Variants in KCTD8 observed in about 807,000 individuals in gnomAD.
KCTD8 encodes potassium channel tetramerization domain containing 8.
KCTD8 carries 27 observed loss-of-function variants against 31.5 expected under a neutral mutation model. The ratio of observed to expected loss-of-function variants is 0.86; its 90% confidence interval spans 0.63 to 1.18. The LOEUF (loss-of-function observed/expected upper bound fraction) is 1.18, where lower values mean the gene tolerates loss of function less well. KCTD8 is among the 50% of genes most tolerant of loss of function. The pLI is 0.00. For missense variants in KCTD8, 658 were observed against 647.7 expected (o/e 1.02, Z -0.17); for synonymous variants, 290 against 280.0 (o/e 1.04, Z -0.36).
intron 1 of KCTD8, among the ~76,000 whole-genome samples, chr4:44,349,911 G>C (rs576159593): frequency 6.6e-6 from 1 of 152,130 alleles, no homozygotes; most frequent in Non-Finnish European, 1.5e-5. Flanking sequence ...TTCTTTCTGG[G>C]TTTATTTATA....
chr4:44,350,674 A>G (rs960516610), intron 1 of KCTD8, among the ~76,000 whole-genome samples: 3 of 152,212 alleles, frequency 2.0e-5, no homozygotes, highest in Non-Finnish European at 4.4e-5. Context: ...TTTAAAATGA[A>G]TAAAAAGTTT....
intron 1 of KCTD8, among the ~76,000 whole-genome samples, chr4:44,437,936 TA>T (rs1179738921): frequency 2.0e-5 from 3 of 152,104 alleles, no homozygotes; most frequent in Admixed American, 6.6e-5. Context: ...AACCACCATA[TA>T]AATGATACCA....
chr4:44,278,620 A>G (rs1716815448), intron 1 of KCTD8, among the ~76,000 whole-genome samples: 1 of 152,086 alleles, frequency 6.6e-6, no homozygotes, highest in South Asian at 2.1e-4. Flanking sequence ...GACATACTTT[A>G]AAATTTTGTA....
intron 1 of KCTD8, among the ~76,000 whole-genome samples, chr4:44,423,462 A>G (rs1352156095): frequency 6.6e-6 from 1 of 152,152 alleles, no homozygotes; most frequent in Non-Finnish European, 1.5e-5. Context: ...TTGGCAGTTC[A>G]TTAACTGACA....
At chr4:44,205,651 C>G (rs77179228) in intron 1 of KCTD8, among the ~76,000 whole-genome samples, 1 of 152,124 alleles carries the variant, frequency 6.6e-6, no homozygotes, top group Non-Finnish European at 1.5e-5. Flanking sequence ...TAAGTTACCA[C>G]TGTAGTGTTA....
intron 1 of KCTD8, among the ~76,000 whole-genome samples, chr4:44,333,024 T>C (rs1040453275): frequency 1.3e-5 from 2 of 152,094 alleles, no homozygotes; most frequent in African/African-American, 4.8e-5. Flanking sequence ...ACCTGCTATG[T>C]TCACAACTAT....
chr4:44,429,958 T>C (rs1721434973), intron 1 of KCTD8, among the ~76,000 whole-genome samples: 1 of 151,640 alleles, frequency 6.6e-6, no homozygotes, highest in African/African-American at 2.4e-5. Context: ...TGGCTTTCCT[T>C]TCCTCTGTCA....
chr4:44,395,347 G>A (rs1720474399), intron 1 of KCTD8, among the ~76,000 whole-genome samples: 1 of 152,060 alleles, frequency 6.6e-6, no homozygotes, highest in African/African-American at 2.4e-5. Context: ...GCATAAGCTA[G>A]GGGCCGAAAA....
chr4:44,188,025 G>A (rs866791647), intron 1 of KCTD8, among the ~76,000 whole-genome samples: 1 of 150,408 alleles, frequency 6.6e-6, no homozygotes, highest in African/African-American at 2.5e-5. Flanking sequence ...AAAAAAAACA[G>A]TCTAACACTC....
intron 1 of KCTD8, among the ~76,000 whole-genome samples, chr4:44,436,104 G>A (rs1469265118): frequency 1.3e-5 from 2 of 152,106 alleles, no homozygotes; most frequent in Non-Finnish European, 2.9e-5. Flanking sequence ...GGATTTGACT[G>A]ACACCACTCA....
At chr4:44,224,616 C>G (rs946410388) in intron 1 of KCTD8, among the ~76,000 whole-genome samples, 7 of 150,844 alleles carry the variant, frequency 4.6e-5, no homozygotes, top group African/African-American at 1.5e-4. Flanking sequence ...TCATTCTGCC[C>G]CCATCTTTGC....
chr4:44,179,839 A>G (rs1713327393), intron 1 of KCTD8, among the ~76,000 whole-genome samples: 3 of 152,154 alleles, frequency 2.0e-5, no homozygotes, highest in African/African-American at 7.2e-5. Context: ...CAATAACTTA[A>G]ACTGATTTAG....
intron 1 of KCTD8, among the ~76,000 whole-genome samples, chr4:44,248,991 C>T (rs1715748979): frequency 3.3e-5 from 5 of 151,784 alleles, no homozygotes; most frequent in Admixed American, 3.3e-4. Context: ...TTTCTGGTCT[C>T]AGCTAAATAA....
intron 1 of KCTD8, among the ~76,000 whole-genome samples, chr4:44,308,484 A>G (rs1210281406): frequency 6.6e-6 from 1 of 152,118 alleles, no homozygotes; most frequent in Non-Finnish European, 1.5e-5. Flanking sequence ...GCAGCAAGTA[A>G]GAAAAAACTA....
chr4:44,447,469 C>G (rs1043515506), intron 1 of KCTD8, 94 bp downstream of exon 1: 8 of 1,428,536 alleles, frequency 5.6e-6, no homozygotes, highest in South Asian at 1.5e-5. Context: ...GCGCCTGCCC[C>G]GGACACCCCC....
chr4:44,358,609 C>T (rs1719408809), intron 1 of KCTD8, among the ~76,000 whole-genome samples: 1 of 151,794 alleles, frequency 6.6e-6, no homozygotes, highest in African/African-American at 2.4e-5. Flanking sequence ...CTCTCTGTCA[C>T]CCAGGCTGGA....
At chr4:44,394,318 A>G (rs773563254) in intron 1 of KCTD8, among the ~76,000 whole-genome samples, 1 of 152,066 alleles carries the variant, frequency 6.6e-6, no homozygotes, top group Non-Finnish European at 1.5e-5. Context: ...CAACTTCACA[A>G]TTCATAGGAG....
chr4:44,298,960 A>G (rs1284887103), intron 1 of KCTD8, among the ~76,000 whole-genome samples: 2 of 152,206 alleles, frequency 1.3e-5, no homozygotes, highest in African/African-American at 4.8e-5. Flanking sequence ...GTTGTAAAAA[A>G]AAGTTCCAAG....
At chr4:44,339,277 A>G (rs1320108093) in intron 1 of KCTD8, among the ~76,000 whole-genome samples, 1 of 152,142 alleles carries the variant, frequency 6.6e-6, no homozygotes, top group Non-Finnish European at 1.5e-5. Flanking sequence ...TAAATTTTTA[A>G]AGGGGCACTA....
Sources: allele counts gnomAD v4.1 joint callset (sites outside exome capture counted in the v4.1 genomes callset), GRCh38; gene constraint gnomAD v4.1.1; transcripts MANE v1.5; gene names NCBI Gene and HGNC (gene_info 2026-07-23, HGNC 2026-07-21).